SENP6: variants seen among roughly 807,000 people sequenced by gnomAD.
The protein encoded by SENP6 is SUMO specific peptidase 6, also known as sentrin-specific protease 6.
SENP6 carries 41 observed loss-of-function variants against 134.5 expected under a neutral mutation model. That is an observed-to-expected ratio of 0.30 (90% CI 0.24 to 0.40). The LOEUF is 0.40. Ranked by LOEUF, SENP6 falls within the 10% of genes least tolerant of loss-of-function variation. The probability of loss-of-function intolerance (pLI) is 1.00; values close to 1 mark genes in which losing one functional copy is unlikely to be tolerated. For synonymous variants in SENP6, 395 were observed against 429.8 expected, an observed-to-expected ratio of 0.92 and a Z score of 1.00; for missense variants, 1,248 against 1,312.5, an observed-to-expected ratio of 0.95 and a Z score of 0.76.
chr6:75,630,111 C>G (rs7356806), intron 3 of SENP6, among the ~76,000 whole-genome samples: 46,762 of 150,212 alleles, frequency 0.31, 8,608 homozygotes, highest in Admixed American at 0.48. Context: ...CTCTTGCCAC[C>G]CAGGCTGGAG....
intron 10 of SENP6, among the ~76,000 whole-genome samples, chr6:75,669,889 A>C (rs1394308585): frequency 6.6e-6 from 1 of 152,120 alleles, no homozygotes; most frequent in Non-Finnish European, 1.5e-5. Flanking sequence ...CATATTTTAG[A>C]GTTTAGGGAA....
intron 1 of SENP6, among the ~76,000 whole-genome samples, chr6:75,618,257 A>G (rs922161585): frequency 2.0e-5 from 3 of 152,078 alleles, no homozygotes; most frequent in Admixed American, 1.3e-4. Context: ...CCTTCTTTCC[A>G]TTTATTTATT....
chr6:75,678,402 A>C (rs1773237307), intron 14 of SENP6, 181 bp from the exon 15 acceptor site: 1 of 523,350 alleles, frequency 1.9e-6, no homozygotes, highest in Non-Finnish European at 3.3e-6. Context: ...GCTACAGATA[A>C]TAAGAAAGTG....
At chr6:75,678,443 A>C (rs889632469) in intron 14 of SENP6, 140 bp from the exon 15 acceptor site, 1 of 561,958 alleles carries the variant, frequency 1.8e-6, no homozygotes, top group Non-Finnish European at 3.1e-6. Context: ...CTTGTTTTTA[A>C]TTGTTAAGTA....
At chr6:75,640,617 C>T in intron 5 of SENP6, 67 bp from the exon 6 acceptor site, 2 of 1,029,696 alleles carry the variant, frequency 1.9e-6, no homozygotes, top group Non-Finnish European at 2.7e-6. Flanking sequence ...ATAGTTACTG[C>T]AACTACAGTG....
chr6:75,682,834 T>C (rs961654787), intron 16 of SENP6, among the ~76,000 whole-genome samples: 2 of 152,196 alleles, frequency 1.3e-5, no homozygotes, highest in Non-Finnish European at 2.9e-5. Flanking sequence ...GTTCCAAGTC[T>C]TTGCTATTGT....
At chr6:75,672,649 A>G (rs185485935) in intron 11 of SENP6, among the ~76,000 whole-genome samples, 1 of 152,282 alleles carries the variant, frequency 6.6e-6, no homozygotes, top group African/African-American at 2.4e-5. Context: ...CTTGAACATA[A>G]CTTCCTTATA....
rs561360701 is a variant in SENP6 at position 75,686,809 on chromosome 6, C to G, written c.2075+7882C>G. ...TTCCCTTTGTGGGTAATCAACCTTT[C>G]TCTCTGGCTGCCCTTAACACTTTTT... is the stretch of plus-strand genomic sequence containing the variant. On this transcript the variant is annotated intron_variant, in intron 16 of 23. Coordinates refer to ENST00000447266, the MANE Select transcript of SENP6 (RefSeq NM_015571.4). 3.9e-5 allele frequency among the ~76,000 whole-genome samples: 6 copies of G among 152,306 alleles called. No homozygotes were observed. In the East Asian group the frequency reaches 1.2e-3, roughly 29 times the overall value.
intron 18 of SENP6, among the ~76,000 whole-genome samples, chr6:75,701,284 A>T (rs1775005985): frequency 6.6e-6 from 1 of 152,162 alleles, no homozygotes; most frequent in South Asian, 2.1e-4. Context: ...CTAGCAAAAA[A>T]TGAATATTAG....
chr6:75,687,242 T>C (rs185583406), intron 16 of SENP6, among the ~76,000 whole-genome samples: 1 of 152,352 alleles, frequency 6.6e-6, no homozygotes. Flanking sequence ...GGTTATCAGC[T>C]CCATCAGGTC....
intron 1 of SENP6, among the ~76,000 whole-genome samples, chr6:75,619,113 G>C (rs924170576): frequency 2.7e-5 from 4 of 150,610 alleles, no homozygotes; most frequent in Non-Finnish European, 4.4e-5. Flanking sequence ...GTATATTTAT[G>C]CAGTTCATTG....
In SENP6 at chr6:75,623,913, C is replaced by T. The variant is rs1476668806; in HGVS notation, c.160C>T (p.Leu54Phe). 1 of 1,607,144 alleles carries T rather than the reference C, an allele frequency of 6.2e-7. No individual in the cohort carries two copies. The highest frequency in any genetic ancestry group is 2.2e-5 in the East Asian group (1 of 44,646). ...TTTTCTGTGTAGTGGGACAAATCTG[C>T]TCAGTGTGGATGAAGATGAGGATTC... ...GDTDKDGTNLLSVDEDEDSET... is the reference protein window; with the variant it reads ...GDTDKDGTNLFSVDEDEDSET... The change falls in exon 3 of 24, where the codon CTC (leucine) becomes TTC (phenylalanine). Residue 54 changes from leucine (L) to phenylalanine (F), a missense_variant. Coordinates refer to ENST00000447266, the MANE Select transcript of SENP6 (RefSeq NM_015571.4).
At chr6:75,693,044 T>C (rs77464334) in intron 16 of SENP6, among the ~76,000 whole-genome samples, 2,841 of 152,292 alleles carry the variant, frequency 0.019, 40 homozygotes, top group Non-Finnish European at 0.029. Context: ...AGTTGTCTTA[T>C]ATCACAAATA....
rs1298617162 is a variant in SENP6, at chr6:75,715,436, C to T, written c.3181C>T (p.Pro1061Ser). The T allele has an allele frequency of 1.2e-6, 2 of 1,613,320 alleles. No homozygotes were observed. Among genetic ancestry groups the T allele is most frequent in the South Asian group, 1.1e-5 (1 of 91,042 alleles). Residue 1061 changes from proline to serine, a missense_variant, in exon 24 of 24, where the codon CCA becomes TCA. Physicochemically the swap from Pro to Ser is moderately conservative, Grantham distance 74 (BLOSUM62 -1). This residue lies in a region of SENP6 where 386 missense variants were observed against 395.0 expected (regional missense o/e 0.98). Transcript: ENST00000447266. ...TATGAATTTGGCAAACTGGTTTCCT[C>T]CACCAAGAATGAGAACAAAAAGAGA... The part of the protein sequence containing the change: ...LPMNLANWFP[P>S]PRMRTKREEI...
intron 16 of SENP6, among the ~76,000 whole-genome samples, chr6:75,685,183 C>T (rs1288992889): frequency 6.6e-6 from 1 of 152,158 alleles, no homozygotes; most frequent in African/African-American, 2.4e-5. Context: ...AGATTATTTG[C>T]ATAGAGGTGT....
chr6:75,641,965 G>T (rs1770062799), intron 6 of SENP6, among the ~76,000 whole-genome samples: 1 of 151,826 alleles, frequency 6.6e-6, no homozygotes, highest in African/African-American at 2.4e-5. Flanking sequence ...TTTGACATTT[G>T]TACATCAGCT....
chr6:75,708,984 C>T (rs886115989), intron 19 of SENP6, among the ~76,000 whole-genome samples: 3 of 151,808 alleles, frequency 2.0e-5, no homozygotes, highest in Non-Finnish European at 4.4e-5. Flanking sequence ...CTTCTTTCAG[C>T]AAAATAGTTG....
At chr6:75,620,082 CA>C (rs10526946) in intron 1 of SENP6, among the ~76,000 whole-genome samples, 34,142 of 125,514 alleles carry the variant, frequency 0.27, 4,621 homozygotes, top group East Asian at 0.48. Context: ...TACCTTGCCT[CA>C]AAAAAAAAAA....
At position 75,700,202 on chromosome 6, in the gene SENP6, C is replaced by T. The variant is rs1457666931; in HGVS notation, c.2289-2443C>T. Among the ~76,000 whole-genome samples the T allele has an allele frequency of 3.3e-5, 5 of 152,054 alleles. 1 individual carries two copies. Among genetic ancestry groups the T allele is most frequent in the South Asian group, 2.1e-4 (1 of 4,824 alleles). ...CCAGGATTACAGGCATGAGCCACTG[C>T]GCCTGGCCAAAAGTCTGTGTAACCC... On this transcript the variant is annotated intron_variant, in intron 18 of 23. Coordinates refer to ENST00000447266, the MANE Select transcript of SENP6 (RefSeq NM_015571.4).
Sources: allele counts gnomAD v4.1 joint callset (sites outside exome capture counted in the v4.1 genomes callset), GRCh38; gene constraint gnomAD v4.1.1; regional missense constraint gnomAD v4.1.1; transcripts MANE v1.5; gene names NCBI Gene and HGNC (gene_info 2026-07-23, HGNC 2026-07-21).